PARD3B: variants seen among roughly 807,000 people sequenced by gnomAD.
PARD3B encodes the protein partitioning defective 3 homolog B.
A neutral mutation model predicts 130.2 loss-of-function variants in PARD3B; 103 were observed. The observed-to-expected ratio is 0.79, with a 90% CI of 0.67 to 0.93. PARD3B has a LOEUF of 0.93. PARD3B is among the 40% of genes least tolerant of loss of function. PARD3B has a pLI of 0.00. For synonymous variants in PARD3B, 583 were observed against 553.2 expected (o/e 1.05, Z -0.76); for missense variants, 1,609 against 1,499.2 (o/e 1.07, Z -1.21).
intron 2 of PARD3B, among the ~76,000 whole-genome samples, chr2:204,813,570 T>C (rs2043039967): frequency 6.6e-6 from 1 of 152,152 alleles, no homozygotes; most frequent in African/African-American, 2.4e-5. Context: ...TTTAGTGTCA[T>C]GTCTAAGAAA....
chr2:205,010,654 A>G (rs1261252191), intron 3 of PARD3B, among the ~76,000 whole-genome samples: 1 of 152,120 alleles, frequency 6.6e-6, no homozygotes, highest in African/African-American at 2.4e-5. Context: ...TCTTGAATCG[A>G]TTGCATTGCT....
intron 21 of PARD3B, among the ~76,000 whole-genome samples, chr2:205,532,693 G>A (rs1236343155): frequency 6.6e-6 from 1 of 152,162 alleles, no homozygotes; most frequent in African/African-American, 2.4e-5. Context: ...GGCAAAATCT[G>A]AGGTGCCAAC....
intron 2 of PARD3B, among the ~76,000 whole-genome samples, chr2:204,789,114 T>C (rs1019901737): frequency 4.6e-5 from 7 of 152,176 alleles, no homozygotes; most frequent in Admixed American, 1.3e-4. Flanking sequence ...TGGAGTGAAG[T>C]GGTGCAATCA....
At chr2:205,549,852 G>A (rs1369275956) in intron 21 of PARD3B, among the ~76,000 whole-genome samples, 1 of 152,154 alleles carries the variant, frequency 6.6e-6, no homozygotes, top group African/African-American at 2.4e-5. Flanking sequence ...GGGCATGCGG[G>A]TAATGAAGGA....
intron 2 of PARD3B, among the ~76,000 whole-genome samples, chr2:204,784,684 TG>T (rs1419245955): frequency 2.6e-5 from 4 of 152,190 alleles, no homozygotes; most frequent in Non-Finnish European, 5.9e-5. Context: ...ACATTGCTTC[TG>T]GGGGCAATTG....
chr2:205,549,022 G>T (rs1322824130), intron 21 of PARD3B, among the ~76,000 whole-genome samples: 1 of 152,140 alleles, frequency 6.6e-6, no homozygotes, highest in African/African-American at 2.4e-5. Flanking sequence ...GTGAAAAGAT[G>T]TTCTACATCA....
rs575065011 is a variant in PARD3B, at chr2:205,091,503, C to A, written c.505-12923C>A. Reference sequence around the variant, plus strand: ...TCAGGCTTGTTGTTGTTGTTTCTAGCAACCACCACCTCTCCTATTTAGATA... The same window carrying A: ...TCAGGCTTGTTGTTGTTGTTTCTAGAAACCACCACCTCTCCTATTTAGATA... On this transcript the variant is annotated intron_variant, in intron 4 of 22. Coordinates refer to ENST00000406610, the MANE Select transcript of PARD3B (RefSeq NM_001302769.2). The surrounding 1 kb of genome is among the most constrained non-coding windows in gnomAD (Gnocchi z 4.2). Among the ~76,000 whole-genome samples, 2 of 152,152 alleles carry A rather than the reference C, an allele frequency of 1.3e-5. No homozygotes were observed. The highest frequency in any genetic ancestry group is 4.8e-5 in the African/African-American group (2 of 41,432).
In PARD3B at chr2:205,208,839, A is replaced by T. The variant is rs1186370903; in HGVS notation, c.2140+15519A>T. The stretch of plus-strand genomic sequence containing the variant: ...AATGCCATCCCCATCAAGCTACCAA[A>T]GCCTTTCTTCACAGAATTGGAAAAA... On this transcript the variant is annotated intron_variant, in intron 15 of 22. Transcript: ENST00000406610. 3.2e-3 allele frequency among the ~76,000 whole-genome samples: 416 copies of T among 130,286 alleles called. 1 individual carries two copies. The highest frequency in any genetic ancestry group is 5.3e-3 in the African/African-American group (166 of 31,312). 85.5% of individuals were successfully genotyped at this position (130,286 alleles called of 152,430 possible).
At chr2:205,096,371 C>T (rs1702400721) in intron 4 of PARD3B, among the ~76,000 whole-genome samples, 1 of 152,138 alleles carries the variant, frequency 6.6e-6, no homozygotes, top group Non-Finnish European at 1.5e-5. Flanking sequence ...AATTCAGTTA[C>T]TGTATCTTGA....
intron 1 of PARD3B, among the ~76,000 whole-genome samples, chr2:204,592,976 T>C (rs2033138725): frequency 6.6e-6 from 1 of 152,246 alleles, no homozygotes; most frequent in South Asian, 2.1e-4. Flanking sequence ...CTTTTATGGC[T>C]GAATAAATTC....
At chr2:205,169,919 G>A (rs1226492844) in intron 11 of PARD3B, among the ~76,000 whole-genome samples, 1 of 144,062 alleles carries the variant, frequency 6.9e-6, no homozygotes, top group African/African-American at 2.6e-5. Context: ...TGTTTTTGTT[G>A]TTCCCCCCAC....
chr2:204,693,688 A>G (rs891641623), intron 2 of PARD3B, among the ~76,000 whole-genome samples: 2 of 152,026 alleles, frequency 1.3e-5, no homozygotes, highest in Non-Finnish European at 2.9e-5. Flanking sequence ...AGGCCTCACA[A>G]TGCCTCCAAA....
At chr2:204,786,179 A>G (rs934742309) in intron 2 of PARD3B, among the ~76,000 whole-genome samples, 1 of 151,912 alleles carries the variant, frequency 6.6e-6, no homozygotes, top group Non-Finnish European at 1.5e-5. Flanking sequence ...TATTTTGGGC[A>G]TCACATAAAT....
At chr2:204,826,969 A>G (rs533834985) in intron 2 of PARD3B, among the ~76,000 whole-genome samples, 28 of 152,332 alleles carry the variant, frequency 1.8e-4, no homozygotes, top group Middle Eastern at 3.4e-3. Flanking sequence ...GTAGTGAGCT[A>G]TGATCATGCC....
rs200773747 is a variant in PARD3B at position 205,359,503 on chromosome 2, A to G, written c.2631-41510A>G. Among the ~76,000 whole-genome samples the G allele has an allele frequency of 3.9e-5, 6 of 152,210 alleles. No homozygotes were observed. In the East Asian group the frequency reaches 9.7e-4, roughly 25 times the overall value. On this transcript the variant is annotated intron_variant, in intron 18 of 22. Coordinates refer to ENST00000406610, the MANE Select transcript of PARD3B (RefSeq NM_001302769.2). The stretch of plus-strand genomic sequence containing the variant: ...ACAGTAATCCTCAGTTCATGGCTCT[A>G]TCGTCATTTGTCTATACAAAACTCT...
At chr2:204,688,900 C>T (rs1036581773) in intron 2 of PARD3B, among the ~76,000 whole-genome samples, 1 of 152,138 alleles carries the variant, frequency 6.6e-6, no homozygotes, top group Non-Finnish European at 1.5e-5. Flanking sequence ...TCCAAAGAGG[C>T]ACGGATAGAT....
chr2:205,072,171 C>T (rs1358415715), intron 4 of PARD3B, among the ~76,000 whole-genome samples: 3 of 151,704 alleles, frequency 2.0e-5, no homozygotes, highest in Admixed American at 2.0e-4. Context: ...ATCAAAAATT[C>T]CACATTAAAA....
At chr2:205,210,133 C>A (rs540104811) in intron 15 of PARD3B, among the ~76,000 whole-genome samples, 3 of 151,862 alleles carry the variant, frequency 2.0e-5, no homozygotes, top group African/African-American at 7.3e-5. Context: ...TGAGAGGCTG[C>A]GTTGGGAGGA....
chr2:205,344,802 T>TG (rs1574759903), intron 18 of PARD3B, among the ~76,000 whole-genome samples: 1 of 152,158 alleles, frequency 6.6e-6, no homozygotes, highest in East Asian at 1.9e-4. Context: ...TGAAATTGCG[T>TG]GGGTATAGCG....
Sources: gnomAD v4.1 joint callset for allele counts (sites outside exome capture counted in the v4.1 genomes callset) on GRCh38, gnomAD v4.1.1 for gene constraint, Gnocchi (gnomAD v3.1) non-coding constraint, MANE v1.5 for transcripts, NCBI Gene and HGNC (gene_info 2026-07-23, HGNC 2026-07-21) for gene names.